Variants in CNTNAP2 observed in about 807,000 individuals in gnomAD.
CNTNAP2 encodes the protein contactin-associated protein-like 2.
CNTNAP2 carries 98 observed loss-of-function variants against 155.2 expected under a neutral mutation model. The observed-to-expected ratio is 0.63, with a 90% CI of 0.54 to 0.75. CNTNAP2 has a LOEUF of 0.75. CNTNAP2 is among the 30% of genes least tolerant of loss of function. The pLI, the probability that CNTNAP2 is intolerant of heterozygous loss-of-function variation, is 0.00. For synonymous variants in CNTNAP2, 651 were observed against 631.2 expected (o/e 1.03, Z -0.47); for missense variants, 1,727 against 1,688.1 (o/e 1.02, Z -0.40).
At position 148,102,283 on chromosome 7, in the gene CNTNAP2, G is replaced by A. The variant is rs1018385423; in HGVS notation, c.2384-15835G>A. On this transcript the variant is annotated intron_variant, in intron 15 of 23. Coordinates refer to ENST00000361727, the MANE Select transcript of CNTNAP2 (RefSeq NM_014141.6). ...GATGATGGCCTTCAGCCCCATGCAT[G>A]TTCCCTCAAAAGACATGATCTCATT... 2.0e-5 allele frequency among the ~76,000 whole-genome samples: 3 copies of A among 152,164 alleles called. No individual in the cohort carries two copies. In the East Asian group the frequency reaches 5.8e-4, roughly 29 times the overall value.
chr7:147,689,214 A>G (rs1386037201), intron 13 of CNTNAP2, among the ~76,000 whole-genome samples: 1 of 150,768 alleles, frequency 6.6e-6, no homozygotes, highest in Admixed American at 6.6e-5. Context: ...CAGTGGCACA[A>G]TCTCAGCTCA....
intron 13 of CNTNAP2, among the ~76,000 whole-genome samples, chr7:147,876,740 C>T (rs141648166): frequency 3.9e-5 from 6 of 152,042 alleles, no homozygotes; most frequent in Non-Finnish European, 7.4e-5. Context: ...GAAGCCTGAA[C>T]GTAGGGTGCT....
At chr7:147,587,840 A>G (rs1800660268) in intron 12 of CNTNAP2, among the ~76,000 whole-genome samples, 1 of 152,090 alleles carries the variant, frequency 6.6e-6, no homozygotes, top group Admixed American at 6.6e-5. Context: ...TTCTTTCCCC[A>G]TCATAGCATT....
At chr7:147,921,489 T>C (rs1042679481) in intron 14 of CNTNAP2, among the ~76,000 whole-genome samples, 4 of 152,228 alleles carry the variant, frequency 2.6e-5, no homozygotes, top group Non-Finnish European at 5.9e-5. Context: ...TTTGATGCAA[T>C]AGTCAATTGT....
At chr7:146,571,899 T>A (rs1033890626) in intron 1 of CNTNAP2, among the ~76,000 whole-genome samples, 1 of 152,088 alleles carries the variant, frequency 6.6e-6, no homozygotes, top group East Asian at 1.9e-4. Context: ...ACCCAGCTAA[T>A]TTTTTGTATT....
intron 13 of CNTNAP2, among the ~76,000 whole-genome samples, chr7:147,645,531 G>A (rs775926295): frequency 9.9e-5 from 15 of 152,188 alleles, no homozygotes; most frequent in Non-Finnish European, 2.2e-4. Flanking sequence ...TTAGAAAATT[G>A]TATCGAGTAA....
intron 14 of CNTNAP2, among the ~76,000 whole-genome samples, chr7:147,925,311 C>T (rs1415897212): frequency 1.5e-4 from 23 of 151,914 alleles, no homozygotes; most frequent in African/African-American, 4.8e-4. Context: ...CACACACACA[C>T]ACACACACAC....
intron 1 of CNTNAP2, among the ~76,000 whole-genome samples, chr7:146,485,723 A>T (rs1354268683): frequency 6.6e-6 from 1 of 151,970 alleles, no homozygotes; most frequent in East Asian, 1.9e-4. Flanking sequence ...CGACAGGTTC[A>T]GGTGATCCTC....
chr7:146,921,921 C>G (rs1796508253), intron 3 of CNTNAP2, among the ~76,000 whole-genome samples: 1 of 152,044 alleles, frequency 6.6e-6, no homozygotes, highest in Non-Finnish European at 1.5e-5. Flanking sequence ...AGCCTTGAAT[C>G]TAGAGGAAGA....
At chr7:148,352,450 T>TA (rs1366698868) in intron 21 of CNTNAP2, among the ~76,000 whole-genome samples, 1 of 152,188 alleles carries the variant, frequency 6.6e-6, no homozygotes, top group Non-Finnish European at 1.5e-5. Flanking sequence ...GTGGACAACT[T>TA]ACTGGATGAG....
intron 13 of CNTNAP2, among the ~76,000 whole-genome samples, chr7:147,801,051 T>C (rs1797974505): frequency 6.6e-6 from 1 of 152,116 alleles, no homozygotes; most frequent in African/African-American, 2.4e-5. Flanking sequence ...CATATCCCCA[T>C]TGGGAAGTGA....
chr7:146,588,117 C>T (rs969643570), intron 1 of CNTNAP2, among the ~76,000 whole-genome samples: 3 of 151,874 alleles, frequency 2.0e-5, no homozygotes, highest in African/African-American at 7.3e-5. Flanking sequence ...TGTAGGGAGT[C>T]AGCTGTAGGC....
chr7:146,425,370 A>G (rs1584919209), intron 1 of CNTNAP2, among the ~76,000 whole-genome samples: 1 of 152,250 alleles, frequency 6.6e-6, no homozygotes, highest in East Asian at 1.9e-4. Context: ...AAAATGCCCA[A>G]AGTTATTTTC....
intron 3 of CNTNAP2, among the ~76,000 whole-genome samples, chr7:146,891,006 G>T (rs1250979132): frequency 6.6e-6 from 1 of 152,152 alleles, no homozygotes; most frequent in Non-Finnish European, 1.5e-5. Flanking sequence ...ATCAATGGTG[G>T]ATTGGATAAT....
At chr7:148,255,094 T>C (rs182729279) in intron 20 of CNTNAP2, among the ~76,000 whole-genome samples, 18 of 152,318 alleles carry the variant, frequency 1.2e-4, no homozygotes, top group African/African-American at 3.8e-4. Context: ...TATGAAAGTG[T>C]ATAAAACCAT....
At chr7:146,448,712 A>G (rs1017964726) in intron 1 of CNTNAP2, among the ~76,000 whole-genome samples, 1 of 152,110 alleles carries the variant, frequency 6.6e-6, no homozygotes. Flanking sequence ...GGATATTGGT[A>G]TGATGTTTGT....
intron 13 of CNTNAP2, among the ~76,000 whole-genome samples, chr7:147,805,162 C>T (rs969468564): frequency 1.3e-5 from 2 of 151,860 alleles, no homozygotes; most frequent in East Asian, 1.9e-4. Flanking sequence ...ACCTCCACCA[C>T]CCAGGTTCAA....
chr7:147,366,781 GCACACACACACA>G (rs71182194), intron 9 of CNTNAP2, among the ~76,000 whole-genome samples: 2 of 105,854 alleles, frequency 1.9e-5, no homozygotes, highest in East Asian at 2.5e-4. Flanking sequence ...TTTGTTGCAC[GCACACACACACA>G]CACACACACA....
rs372345438 is a variant in CNTNAP2 at position 147,108,272 on chromosome 7, C to A, written c.676C>A (p.Leu226Met). ...FKTSESEGVI[L>M]HGEGQQGDYI... The stretch of plus-strand genomic sequence containing the variant: ...GACGTCTGAAAGTGAAGGAGTAATC[C>A]TGCACGGAGAAGGACAGCAAGGAGA... Residue 226 changes from leucine (L) to methionine (M), a missense_variant, in exon 5 of 24, where the codon CTG becomes ATG. Coordinates refer to ENST00000361727, the MANE Select transcript of CNTNAP2 (RefSeq NM_014141.6). 9.2e-5 allele frequency: 149 copies of A among 1,613,600 alleles called. No individual in the cohort carries two copies. Among genetic ancestry groups the A allele is most frequent in the Admixed American group, 3.8e-4 (23 of 59,952 alleles).
Sources: allele counts gnomAD v4.1 joint callset (sites outside exome capture counted in the v4.1 genomes callset), GRCh38; gene constraint gnomAD v4.1.1; transcripts MANE v1.5; gene names NCBI Gene and HGNC (gene_info 2026-07-23, HGNC 2026-07-21).